CAMTA1: variants seen among roughly 807,000 people sequenced by gnomAD.
The protein encoded by CAMTA1 is calmodulin binding transcription activator 1.
A neutral mutation model predicts 170.9 loss-of-function variants in CAMTA1; 27 were observed. The ratio of observed to expected loss-of-function variants is 0.16; its 90% CI spans 0.12 to 0.22. The LOEUF is 0.22. Ranked by LOEUF, CAMTA1 falls within the 10% of genes least tolerant of loss-of-function variation. The pLI is 1.00. For synonymous variants in CAMTA1, 833 were observed against 891.5 expected, an observed-to-expected ratio of 0.93 and a Z score of 1.17; for missense variants, 1,619 against 2,217.2, an observed-to-expected ratio of 0.73 and a Z score of 5.42.
At chr1:7,059,656 A>G (rs1292433965) in intron 3 of CAMTA1, among the ~76,000 whole-genome samples, 2 of 152,120 alleles carry the variant, frequency 1.3e-5, no homozygotes, top group African/African-American at 2.4e-5. Context: ...AGCTTATGAT[A>G]TGATCACCGT....
intron 5 of CAMTA1, among the ~76,000 whole-genome samples, chr1:7,322,649 A>G (rs1278964431): frequency 6.6e-6 from 1 of 152,166 alleles, no homozygotes; most frequent in Non-Finnish European, 1.5e-5. Flanking sequence ...TTTTCTAATA[A>G]TTTGTCCATT....
At chr1:6,816,760 C>T (rs980518518) in intron 1 of CAMTA1, among the ~76,000 whole-genome samples, 2 of 152,166 alleles carry the variant, frequency 1.3e-5, no homozygotes, top group South Asian at 2.1e-4. Flanking sequence ...AAGGCCAGCC[C>T]GCCTCCCTCT....
At chr1:7,334,532 T>C (rs1425969692) in intron 5 of CAMTA1, among the ~76,000 whole-genome samples, 1 of 152,186 alleles carries the variant, frequency 6.6e-6, no homozygotes, top group Non-Finnish European at 1.5e-5. Context: ...GAACATACAG[T>C]GTCATAAAAC....
rs568455882 is a variant in CAMTA1, at chr1:7,339,187, A to G, written c.438+89561A>G. On this transcript the variant is annotated intron_variant, in intron 5 of 22. Coordinates refer to ENST00000303635, the MANE Select transcript of CAMTA1 (RefSeq NM_015215.4). ...GTGTATTTCAAAAAGTAAGTTTACA[A>G]TGTTCTGAAATGTATCATGGTGGTG... 8.5e-4 allele frequency among the ~76,000 whole-genome samples: 130 copies of G among 152,336 alleles called. 1 individual carries two copies. Among genetic ancestry groups the G allele is most frequent in the South Asian group, 4.1e-4 (2 of 4,824 alleles).
intron 3 of CAMTA1, among the ~76,000 whole-genome samples, chr1:6,995,844 G>C (rs1697171732): frequency 6.6e-6 from 1 of 152,164 alleles, no homozygotes; most frequent in Non-Finnish European, 1.5e-5. Flanking sequence ...AGAAGGGCAA[G>C]GCCAGGCCAG....
chr1:6,943,506 G>A (rs1571922161), intron 3 of CAMTA1, among the ~76,000 whole-genome samples: 1 of 152,164 alleles, frequency 6.6e-6, no homozygotes, highest in East Asian at 1.9e-4. Context: ...TCAACACGGC[G>A]GCCAGGGATT....
At chr1:7,600,569 G>A (rs1291522785) in intron 6 of CAMTA1, among the ~76,000 whole-genome samples, 2 of 151,566 alleles carry the variant, frequency 1.3e-5, no homozygotes, top group Non-Finnish European at 2.9e-5. Flanking sequence ...CAATAGTGGA[G>A]GGAAGGTCAG....
chr1:7,219,542 TAAAAAAAAA>T (rs34288461), intron 4 of CAMTA1: 6 of 65,278 alleles, frequency 9.2e-5, no homozygotes, highest in Non-Finnish European at 1.4e-4. Context: ...AATTTTTTCT[TAAAAAAAAA>T]AAAAAAAAAA....
chr1:7,535,263 G>A (rs140054209), intron 6 of CAMTA1, among the ~76,000 whole-genome samples: 8 of 152,198 alleles, frequency 5.3e-5, no homozygotes, highest in Non-Finnish European at 1.0e-4. Flanking sequence ...CAGGGCCCCC[G>A]GTCCTCTGGG....
intron 3 of CAMTA1, among the ~76,000 whole-genome samples, chr1:7,082,440 A>ATAGATAG (rs1640143728): frequency 2.0e-4 from 28 of 142,208 alleles, no homozygotes; most frequent in Non-Finnish European, 3.4e-4. Context: ...TGCATCTCGA[A>ATAGATAG]ATAGATAGAT....
At chr1:7,263,300 A>G (rs1249849966) in intron 5 of CAMTA1, among the ~76,000 whole-genome samples, 1 of 152,214 alleles carries the variant, frequency 6.6e-6, no homozygotes, top group African/African-American at 2.4e-5. Context: ...TTCTTTTGCA[A>G]ATAGTGTTTG....
chr1:7,060,233 G>A (rs1285819440), intron 3 of CAMTA1, among the ~76,000 whole-genome samples: 1 of 152,244 alleles, frequency 6.6e-6, no homozygotes, highest in African/African-American at 2.4e-5. Flanking sequence ...GAGCCCAGAA[G>A]TCTAAGCTCA....
intron 5 of CAMTA1, among the ~76,000 whole-genome samples, chr1:7,431,312 G>C (rs1329091659): frequency 6.6e-6 from 1 of 152,194 alleles, no homozygotes; most frequent in East Asian, 1.9e-4. Flanking sequence ...GGTTTGAAAG[G>C]GCAAAAGTGG....
chr1:7,500,513 A>G (rs1246448315), intron 6 of CAMTA1, among the ~76,000 whole-genome samples: 1 of 152,012 alleles, frequency 6.6e-6, no homozygotes, highest in Non-Finnish European at 1.5e-5. Context: ...GACCTTCTTG[A>G]GCAAAGCTCA....
chr1:7,332,730 G>A (rs552494542), intron 5 of CAMTA1, among the ~76,000 whole-genome samples: 2 of 152,332 alleles, frequency 1.3e-5, no homozygotes, highest in Admixed American at 6.5e-5. Context: ...TTAGGAGGCT[G>A]CTGATGATCT....
chr1:7,104,690 C>T (rs1444502331), intron 4 of CAMTA1, among the ~76,000 whole-genome samples: 1 of 152,186 alleles, frequency 6.6e-6, no homozygotes, highest in East Asian at 1.9e-4. Flanking sequence ...CTCAGCCCCT[C>T]CCCTTCCAAT....
At chr1:7,551,568 C>T (rs1447700629) in intron 6 of CAMTA1, among the ~76,000 whole-genome samples, 2 of 152,190 alleles carry the variant, frequency 1.3e-5, no homozygotes, top group Non-Finnish European at 2.9e-5. Flanking sequence ...AGGCTCCCAG[C>T]AGCCCCCTCC....
At chr1:7,678,201 C>T (rs990314320) in intron 11 of CAMTA1, among the ~76,000 whole-genome samples, 1 of 152,268 alleles carries the variant, frequency 6.6e-6, no homozygotes, top group Non-Finnish European at 1.5e-5. Context: ...GGAGGCAGCT[C>T]AGGCCTGGGC....
chr1:6,892,603 T>C (rs916502516), intron 3 of CAMTA1, among the ~76,000 whole-genome samples: 32 of 151,166 alleles, frequency 2.1e-4, no homozygotes, highest in Non-Finnish European at 2.7e-4. Flanking sequence ...TTTTCTTTTT[T>C]TTTTTTTTTT....
Sources: gnomAD v4.1 joint callset for allele counts (sites outside exome capture counted in the v4.1 genomes callset) on GRCh38, gnomAD v4.1.1 for gene constraint, MANE v1.5 for transcripts, NCBI Gene and HGNC (gene_info 2026-07-23, HGNC 2026-07-21) for gene names.